The following GLRB variants were observed in gnomAD, a reference collection of about 807,000 sequenced individuals.
The protein encoded by GLRB is glycine receptor beta.
A neutral mutation model predicts 54.2 loss-of-function variants in GLRB; 33 were observed. That is an observed-to-expected ratio of 0.61 (90% CI 0.46 to 0.81). The LOEUF (loss-of-function observed/expected upper bound fraction) is 0.81. Ranked by LOEUF, GLRB falls within the 40% of genes least tolerant of loss-of-function variation. GLRB has a pLI of 0.00. For synonymous variants in GLRB, 209 were observed against 208.2 expected, an observed-to-expected ratio of 1.00 and a Z score of -0.03; for missense variants, 572 against 584.6, an observed-to-expected ratio of 0.98 and a Z score of 0.22.
chr4:157,168,128 T>C (rs75548583), intron 9 of GLRB, among the ~76,000 whole-genome samples: 2 of 148,482 alleles, frequency 1.3e-5, no homozygotes, highest in African/African-American at 5.1e-5. Context: ...TTTTTTTTTT[T>C]GTCAGACATT....
intron 6 of GLRB, among the ~76,000 whole-genome samples, chr4:157,137,337 A>AT (rs746367413): frequency 6.6e-6 from 1 of 152,076 alleles, no homozygotes; most frequent in Non-Finnish European, 1.5e-5. Context: ...ACAAAATTGT[A>AT]TTTTTTATGT....
rs563847838 is a variant in GLRB, at chr4:157,109,256, CT to C, written c.123-11297del. 1.6e-3 allele frequency among the ~76,000 whole-genome samples: 239 copies of C among 152,046 alleles called. 1 individual carries two copies. Among genetic ancestry groups the C allele is most frequent in the African/African-American group, 5.5e-3 (228 of 41,506 alleles). On this transcript the variant is annotated intron_variant, in intron 2 of 9. Coordinates refer to ENST00000264428, the MANE Select transcript of GLRB (RefSeq NM_000824.5). ...GGACTAATACAATTTGTGTGTATTA[CT>C]TTAGTTTTATCTTTTTGGGGGCTTT...
At chr4:157,151,049 C>T (rs1381006721) in intron 8 of GLRB, among the ~76,000 whole-genome samples, 1 of 152,032 alleles carries the variant, frequency 6.6e-6, no homozygotes, top group Non-Finnish European at 1.5e-5. Flanking sequence ...CTTCTATAAT[C>T]TGAAATTATT....
intron 3 of GLRB, among the ~76,000 whole-genome samples, chr4:157,121,380 C>T (rs1386602334): frequency 6.6e-6 from 1 of 151,100 alleles, no homozygotes; most frequent in Non-Finnish European, 1.5e-5. Flanking sequence ...AAAAACATCT[C>T]CTCTGGAAAA....
chr4:157,083,154 G>T (rs1178540847), intron 2 of GLRB, among the ~76,000 whole-genome samples: 1 of 151,958 alleles, frequency 6.6e-6, no homozygotes, highest in Non-Finnish European at 1.5e-5. Flanking sequence ...GGTTTACAGA[G>T]ATTTCTGCTC....
chr4:157,132,107 T>C (rs1352930146), intron 4 of GLRB, among the ~76,000 whole-genome samples: 1 of 151,902 alleles, frequency 6.6e-6, no homozygotes, highest in Non-Finnish European at 1.5e-5. Context: ...CAAATAGGTG[T>C]GTAGTGGTAT....
chr4:157,102,549 C>T (rs1735071110), intron 2 of GLRB, among the ~76,000 whole-genome samples: 1 of 151,956 alleles, frequency 6.6e-6, no homozygotes, highest in Non-Finnish European at 1.5e-5. Flanking sequence ...ATATTTTCTT[C>T]TATTATAAAC....
At chr4:157,141,905 T>A (rs1736631378) in intron 7 of GLRB, among the ~76,000 whole-genome samples, 1 of 152,054 alleles carries the variant, frequency 6.6e-6, no homozygotes, top group Non-Finnish European at 1.5e-5. Context: ...CATAGTGGGA[T>A]GGAATGGAAA....
chr4:157,111,009 C>T (rs1183105336), intron 2 of GLRB, among the ~76,000 whole-genome samples: 1 of 151,952 alleles, frequency 6.6e-6, no homozygotes, highest in Non-Finnish European at 1.5e-5. Flanking sequence ...GTGTTTTTTA[C>T]GTGCTCACTC....
chr4:157,078,582 A>G (rs1734123492), intron 2 of GLRB, among the ~76,000 whole-genome samples: 1 of 152,146 alleles, frequency 6.6e-6, no homozygotes, highest in Admixed American at 6.5e-5. Flanking sequence ...TCTTAAGGTC[A>G]GTTCATATGT....
intron 9 of GLRB, among the ~76,000 whole-genome samples, chr4:157,169,763 G>A (rs1344409004): frequency 6.6e-6 from 1 of 152,062 alleles, no homozygotes; most frequent in East Asian, 1.9e-4. Context: ...TCAGAAATTA[G>A]TGACTGAATA....
chr4:157,122,146 T>C (rs1180849017), intron 3 of GLRB, among the ~76,000 whole-genome samples, 184 bp from the exon 4 acceptor site: 2 of 151,242 alleles, frequency 1.3e-5, no homozygotes, highest in Non-Finnish European at 3.0e-5. Flanking sequence ...ATTTGTATTA[T>C]GATTCCTATT....
intron 9 of GLRB, among the ~76,000 whole-genome samples, chr4:157,162,761 C>T (rs1737557214): frequency 6.6e-6 from 1 of 152,172 alleles, no homozygotes; most frequent in African/African-American, 2.4e-5. Context: ...GAGATGTCTC[C>T]CAGTTAGGCT....
chr4:157,163,982 C>T (rs1470079588), intron 9 of GLRB, among the ~76,000 whole-genome samples: 2 of 152,086 alleles, frequency 1.3e-5, no homozygotes, highest in African/African-American at 4.8e-5. Context: ...ATCATACCTG[C>T]ACCCTGCCTA....
intron 1 of GLRB, 95 bp from the exon 2 acceptor site, chr4:157,077,901 C>A: frequency 1.4e-6 from 1 of 720,368 alleles, no homozygotes; most frequent in Non-Finnish European, 2.4e-6. Flanking sequence ...AATGTACTTG[C>A]CCTTTGGGTA....
At chr4:157,145,734 T>C (rs2126587906) in intron 8 of GLRB, among the ~76,000 whole-genome samples, 1 of 152,208 alleles carries the variant, frequency 6.6e-6, no homozygotes, top group African/African-American at 2.4e-5. Context: ...ATAGCAAGTT[T>C]GGAGGTAGCA....
At chr4:157,079,279 A>C (rs1053483744) in intron 2 of GLRB, among the ~76,000 whole-genome samples, 7 of 152,196 alleles carry the variant, frequency 4.6e-5, no homozygotes, top group African/African-American at 1.4e-4. Flanking sequence ...TATTGATCAT[A>C]GATAACATTT....
At chr4:157,083,474 G>C (rs1734298899) in intron 2 of GLRB, among the ~76,000 whole-genome samples, 1 of 152,094 alleles carries the variant, frequency 6.6e-6, no homozygotes, top group Non-Finnish European at 1.5e-5. Context: ...AGGTACGCAG[G>C]CACGTGGGAT....
At chr4:157,154,090 T>G (rs2126605314) in intron 9 of GLRB, among the ~76,000 whole-genome samples, 1 of 152,346 alleles carries the variant, frequency 6.6e-6, no homozygotes, top group African/African-American at 2.4e-5. Context: ...GGGAGGCTTC[T>G]TGAGGCCTTA....
Sources: gnomAD v4.1 joint callset for allele counts (sites outside exome capture counted in the v4.1 genomes callset) on GRCh38, gnomAD v4.1.1 for gene constraint, MANE v1.5 for transcripts, NCBI Gene and HGNC (gene_info 2026-07-23, HGNC 2026-07-21) for gene names.